CEP63: variants seen among roughly 807,000 people sequenced by gnomAD.
CEP63 encodes centrosomal protein of 63 kDa.
CEP63 carries 84 observed loss-of-function variants against 89.1 expected under a neutral mutation model. The ratio of observed to expected loss-of-function variants is 0.94; its 90% CI spans 0.79 to 1.13. The LOEUF (loss-of-function observed/expected upper bound fraction) is 1.13, where lower values mean the gene tolerates loss of function less well. CEP63 is among the 50% of genes most tolerant of loss of function. The pLI is 0.00. For missense variants in CEP63, 838 were observed against 813.3 expected (o/e 1.03, Z -0.37); for synonymous variants, 267 against 272.5 (o/e 0.98, Z 0.20).
At chr3:134,660,942 T>G in the CEP63 span, among the ~76,000 whole-genome samples, 3 of 152,166 alleles carry the variant, frequency 2.0e-5, no homozygotes, top group Non-Finnish European at 4.4e-5. Context: ...AGCATTGTGA[T>G]GCTTGGAGTC....
At chr3:134,655,206 T>C in the CEP63 span, among the ~76,000 whole-genome samples, 20 of 152,246 alleles carry the variant, frequency 1.3e-4, no homozygotes, top group Middle Eastern at 0.017. Context: ...CTGGGGAAGG[T>C]CTCATGGATG....
the CEP63 span, among the ~76,000 whole-genome samples, chr3:134,771,784 A>C: frequency 3.3e-5 from 5 of 152,194 alleles, no homozygotes; most frequent in African/African-American, 1.2e-4. Context: ...CAGAACTTAA[A>C]GTATATTTTT....
chr3:134,564,431 T>G lies in CEP63; in HGVS notation c.*2896T>G. ...GACCCATGTCAGGGAACGTTTCTCC[T>G]CATTGCTGTCATGGCACCCTGTGTG... is the stretch of plus-strand genomic sequence containing the variant. On this transcript the variant is annotated 3_prime_UTR_variant, in exon 15 of 15. Coordinates refer to ENST00000675561, the MANE Select transcript of CEP63 (RefSeq NM_001353108.3). 1.0e-6 allele frequency: 1 copy of G among 985,478 alleles called. No homozygotes were observed. The highest frequency in any genetic ancestry group is 1.2e-6 in the Non-Finnish European group (1 of 829,954). The allele number at this position is 985,478 out of a possible 1,614,324, so 61.0% of individuals were successfully genotyped here.
the CEP63 span, among the ~76,000 whole-genome samples, chr3:134,720,726 A>G: frequency 6.6e-6 from 1 of 152,064 alleles, no homozygotes; most frequent in Non-Finnish European, 1.5e-5. Flanking sequence ...ACCATTTGTA[A>G]AAGAGGTTAT....
At chr3:134,498,451 T>A (rs1456745063) in intron 2 of CEP63, among the ~76,000 whole-genome samples, 1 of 152,256 alleles carries the variant, frequency 6.6e-6, no homozygotes. Context: ...TCTAAGACTT[T>A]TTTGGTGGAG....
At chr3:134,493,975 A>G (rs757253722) in intron 1 of CEP63, among the ~76,000 whole-genome samples, 306 of 152,306 alleles carry the variant, frequency 2.0e-3, no homozygotes, top group Non-Finnish European at 2.9e-3. Flanking sequence ...GAACATTTTG[A>G]AGATTTATTA....
chr3:134,525,898 G>C (rs764311696), intron 3 of CEP63, among the ~76,000 whole-genome samples: 10 of 152,130 alleles, frequency 6.6e-5, no homozygotes, highest in Non-Finnish European at 1.5e-4. Context: ...TGGAGAATTT[G>C]ATGATTATGT....
At chr3:134,567,127 A>G (rs1419231678), downstream of CEP63, among the ~76,000 whole-genome samples, 1 of 147,428 alleles carries the variant, frequency 6.8e-6, no homozygotes, top group Admixed American at 7.0e-5. Context: ...CACAGCATGG[A>G]TGAACCTTGA....
the CEP63 span, among the ~76,000 whole-genome samples, chr3:134,660,469 T>G: frequency 6.6e-6 from 1 of 152,212 alleles, no homozygotes; most frequent in African/African-American, 2.4e-5. Context: ...AGTTCAGAAG[T>G]GGCAGAGCTA....
At chr3:134,758,960 T>A in the CEP63 span, among the ~76,000 whole-genome samples, 1 of 152,158 alleles carries the variant, frequency 6.6e-6, no homozygotes, top group Non-Finnish European at 1.5e-5. Flanking sequence ...TCTGATGTAA[T>A]CACGAGGGTC....
chr3:134,626,480 G>T, the CEP63 span, among the ~76,000 whole-genome samples: 1 of 152,178 alleles, frequency 6.6e-6, no homozygotes, highest in African/African-American at 2.4e-5. Context: ...CTGGGAGGGT[G>T]CAGGCTGTGG....
the CEP63 span, among the ~76,000 whole-genome samples, chr3:134,762,967 A>G: frequency 0.61 from 92,923 of 152,042 alleles, 30,798 homozygotes; most frequent in East Asian, 0.87. Flanking sequence ...CTCATCATTC[A>G]ACTTCTAGGG....
At chr3:134,693,225 A>T in the CEP63 span, among the ~76,000 whole-genome samples, 64 of 152,330 alleles carry the variant, frequency 4.2e-4, no homozygotes, top group Middle Eastern at 6.8e-3. Flanking sequence ...AATAGAATGC[A>T]TTCATAGCAC....
At chr3:134,541,827 A>G (rs968345807) in intron 6 of CEP63, among the ~76,000 whole-genome samples, 1 of 152,038 alleles carries the variant, frequency 6.6e-6, no homozygotes, top group African/African-American at 2.4e-5. Context: ...GCATTTTTTA[A>G]AAAGGAGTAA....
chr3:134,714,603 G>T, the CEP63 span, among the ~76,000 whole-genome samples: 1 of 152,210 alleles, frequency 6.6e-6, no homozygotes. Flanking sequence ...TCAAGGCTGG[G>T]CATTTCTTGA....
chr3:134,660,014 GCCGCGGTCCTTATTAA>G, the CEP63 span, among the ~76,000 whole-genome samples: 1 of 152,250 alleles, frequency 6.6e-6, no homozygotes, highest in Non-Finnish European at 1.5e-5. Flanking sequence ...CAGCTAATAA[GCCGCGGTCCTTATTAA>G]GTTGGAAAGG....
chr3:134,559,483 T>C (rs1015404492), intron 14 of CEP63, 54 bp downstream of exon 14: 3 of 1,515,214 alleles, frequency 2.0e-6, no homozygotes, highest in African/African-American at 2.7e-5. Context: ...TTTGCTTTGA[T>C]TTTTTATTTT....
At chr3:134,639,972 A>G in the CEP63 span, 1 of 175,224 alleles carries the variant, frequency 5.7e-6, no homozygotes, top group Non-Finnish European at 1.2e-5. Context: ...AAAAAAAAAA[A>G]AAAAAAGAAA....
chr3:134,547,274 T>G (rs1467970877), intron 8 of CEP63, 61 bp from the exon 9 acceptor site: 1 of 1,498,556 alleles, frequency 6.7e-7, no homozygotes. Context: ...ACAGACTAGA[T>G]GAGCATTATT....
Sources: allele counts gnomAD v4.1 joint callset (sites outside exome capture counted in the v4.1 genomes callset), GRCh38; gene constraint gnomAD v4.1.1; transcripts MANE v1.5; gene names NCBI Gene and HGNC (gene_info 2026-07-23, HGNC 2026-07-21).